CTSD: variants seen among roughly 807,000 people sequenced by gnomAD.
The protein encoded by CTSD is cathepsin D.
Under a neutral mutation model 43.6 loss-of-function variants are expected in CTSD, and 28 were observed. The ratio of observed to expected loss-of-function variants is 0.64; its 90% CI spans 0.48 to 0.88. The LOEUF (loss-of-function observed/expected upper bound fraction) is 0.88, where lower values mean the gene tolerates loss of function less well. Ranked by LOEUF, CTSD falls within the 40% of genes least tolerant of loss-of-function variation. The pLI is 0.00. For synonymous variants in CTSD, 270 were observed against 249.8 expected, an observed-to-expected ratio of 1.08 and a Z score of -0.76; for missense variants, 485 against 555.2, an observed-to-expected ratio of 0.87 and a Z score of 1.27.
chr11:1,753,720 C>G, intron 8 of CTSD, 50 bp from the exon 9 acceptor site: 1 of 1,609,696 alleles, frequency 6.2e-7, no homozygotes. Flanking sequence ...ACCCGCCCCC[C>G]CACCTGTTGC....
rs142664230 is a variant in CTSD, at chr11:1,760,929, G to A, written c.228+380C>T. 13 of 325,096 alleles carry A rather than the reference G, an allele frequency of 4.0e-5. No homozygotes were observed. The East Asian group carries it at 9.5e-4, about 24-fold the overall frequency. 20.1% of individuals were successfully genotyped at this position (325,096 alleles called of 1,614,324 possible). On this transcript the variant is annotated intron_variant, in intron 2 of 8. Transcript: ENST00000236671. ...ACAGGAGGGGCTGTTGCGAGAGGAA[G>A]AAGATGGGGAGGGGCTGGGGAGGCC...
rs1845849397 is a variant in CTSD at position 1,759,550 on chromosome 11, G to A, written c.318C>T (p.Pro106=). ...FDTGSSNLWV[P]SIHCKLLDIA... is the part of the protein sequence containing the mutation. ...TGTCCAGCAGTTTGCAGTGGATGGA[G>A]GGGACCCACAGGTTGGAGGAGCCCG... Residue 106 remains proline (P), a synonymous_variant, in exon 3 of 9, where the codon CCC becomes CCT. Transcript: ENST00000236671. The A allele has an allele frequency of 1.2e-6, 2 of 1,613,486 alleles. No individual in the cohort carries two copies. Among genetic ancestry groups the A allele is most frequent in the Admixed American group, 1.7e-5 (1 of 60,010 alleles).
rs1029534680 is a variant in CTSD at position 1,761,461 on chromosome 11, G to A, written c.76C>T (p.Leu26=). The part of the protein sequence containing the change: ...APASALVRIP[L]HKFTSIRRTM... ...CGGCGGATGGACGTGAACTTGTGCA[G>A]CGGGATCCTGTCAACCACGGGTCGG... Residue 26 remains leucine, a synonymous_variant, in exon 2 of 9, where the codon CTG becomes TTG. Transcript: ENST00000236671. 1.9e-6 allele frequency: 3 copies of A among 1,613,738 alleles called. No homozygotes were observed. The highest frequency in any genetic ancestry group is 1.7e-5 in the Admixed American group (1 of 60,012).
chr11:1,760,976 A>G (rs1273324676), intron 2 of CTSD: 5 of 391,958 alleles, frequency 1.3e-5, no homozygotes, highest in Non-Finnish European at 2.0e-5. Context: ...CAGGCCTCCC[A>G]GCAGGACAGC....
intron 8 of CTSD, 51 bp from the exon 9 acceptor site, chr11:1,753,721 C>T (rs781262160): frequency 1.3e-4 from 205 of 1,609,724 alleles, no homozygotes; most frequent in Admixed American, 6.9e-4. Flanking sequence ...CCCGCCCCCC[C>T]ACCTGTTGCC....
rs1238370729 is a variant in CTSD at position 1,763,916 on chromosome 11, GA to G, written c.-58del. 3 of 1,454,678 alleles carry G rather than the reference GA, an allele frequency of 2.1e-6. No homozygotes were observed. In the Admixed American group the frequency reaches 6.3e-5, roughly 30 times the overall value. The allele number at this position is 1,454,678 out of a possible 1,614,324, so 90.1% of individuals were successfully genotyped here. A position where few individuals can be genotyped will look rare whatever the true frequency, so the allele number is the denominator to read the frequency against. ...GAGGCCGTGCGCTTATAGCCGGGAT[GA>G]CGCCGCAGTTGGGCCGGATCAGCTG... On this transcript the variant is annotated 5_prime_UTR_variant, in exon 1 of 9. Coordinates refer to ENST00000236671, the MANE Select transcript of CTSD (RefSeq NM_001909.5).
Position 1,759,101 on chromosome 11 carries a change from C to A in CTSD, c.353-14G>T. ...TGTGGTGGATCCCTGCCCCGGGCGA[C>A]AAGGGGGCCCGCCGGTCATCCCGCA... On this transcript the variant is annotated splice_polypyrimidine_tract_variant and intron_variant, in intron 3 of 8. Coordinates refer to ENST00000236671, the MANE Select transcript of CTSD (RefSeq NM_001909.5). 2 of 1,586,534 alleles carry A rather than the reference C, an allele frequency of 1.3e-6. No homozygotes were observed. Among genetic ancestry groups the A allele is most frequent in the Non-Finnish European group, 1.7e-6 (2 of 1,155,018 alleles).
In CTSD at chr11:1,753,660, G is replaced by A; in HGVS notation, c.1082C>T (p.Ala361Val). The A allele has an allele frequency of 6.2e-7, 1 of 1,612,836 alleles. No individual in the cohort carries two copies. Among genetic ancestry groups the A allele is most frequent in the Non-Finnish European group, 8.5e-7 (1 of 1,179,842 alleles). The stretch of plus-strand genomic sequence containing the variant: ...GCCGCTCAGGCAGAGGGTCTTCCCG[G>A]CCTGCGACACCTGGGACGGCCCTGG... ...PEDYTLKVSQ[A>V]GKTLCLSGFM... The change falls in exon 9 of 9, where the codon GCC becomes GTC. Residue 361 changes from alanine to valine, a missense_variant. Physicochemically the swap from Ala to Val is moderately conservative, Grantham distance 64 (BLOSUM62 0). Transcript: ENST00000236671.
chr11:1,757,181 C>T (rs1174700142), intron 5 of CTSD, 143 bp downstream of exon 5: 15 of 750,114 alleles, frequency 2.0e-5, no homozygotes, highest in African/African-American at 3.5e-5. Flanking sequence ...CCCCGCCTCC[C>T]GGATGCCCTG....
chr11:1,754,892 C>A lies in CTSD; in HGVS notation c.827+14G>T. The A allele has an allele frequency of 6.2e-7, 1 of 1,613,594 alleles. No homozygotes were observed. ...CCACAGAACCCAGGGGAGCCGACTG[C>A]AGCCACTACTCACTGGTCCAGGTGG... On this transcript the variant is annotated intron_variant, in intron 6 of 8. Transcript: ENST00000236671.
intron 4 of CTSD, among the ~76,000 whole-genome samples, chr11:1,758,272 G>A (rs1045308519): frequency 6.6e-6 from 1 of 152,130 alleles, no homozygotes; most frequent in African/African-American, 2.4e-5. Context: ...TGGGCCTGCA[G>A]GGGGGCTCTG....
intron 3 of CTSD, 77 bp from the exon 4 acceptor site, chr11:1,759,164 A>C: frequency 3.4e-6 from 4 of 1,165,126 alleles, no homozygotes; most frequent in Non-Finnish European, 5.2e-6. Context: ...TCCCCCTACA[A>C]TCTACCATGG....
intron 4 of CTSD, among the ~76,000 whole-genome samples, chr11:1,758,209 G>A (rs1390713735): frequency 1.3e-5 from 2 of 152,262 alleles, no homozygotes; most frequent in African/African-American, 2.4e-5. Context: ...AGCCCAGCAG[G>A]GAACTGTTAG....
At chr11:1,757,725 G>A (rs1173216448) in intron 4 of CTSD, among the ~76,000 whole-genome samples, 169 bp from the exon 5 acceptor site, 1 of 152,226 alleles carries the variant, frequency 6.6e-6, no homozygotes, top group East Asian at 1.9e-4. Flanking sequence ...CGCTGGGGAT[G>A]GGGACACGGG....
chr11:1,763,668 T>G, intron 1 of CTSD, 124 bp downstream of exon 1: 1 of 965,336 alleles, frequency 1.0e-6, no homozygotes, highest in Non-Finnish European at 1.5e-6. Flanking sequence ...CACAGGTGCA[T>G]TCCAGCGCGG....
At chr11:1,754,756 T>G in intron 6 of CTSD, 150 bp downstream of exon 6, 1 of 966,866 alleles carries the variant, frequency 1.0e-6, no homozygotes, top group Non-Finnish European at 1.6e-6. Flanking sequence ...AGGAGGGGCA[T>G]GGAGGGCTGG....
intron 5 of CTSD, among the ~76,000 whole-genome samples, chr11:1,756,136 C>T (rs1227671971): frequency 1.3e-5 from 2 of 151,386 alleles, no homozygotes; most frequent in Non-Finnish European, 1.5e-5. Flanking sequence ...CATGGGCACT[C>T]ATGCTGTGTG....
chr11:1,753,214 G>A lies in CTSD; in HGVS notation c.*289C>T. The A allele has an allele frequency of 4.1e-6, 2 of 490,680 alleles. No homozygotes were observed. Among genetic ancestry groups the A allele is most frequent in the Non-Finnish European group, 3.7e-6 (1 of 267,182 alleles). 30.4% of individuals were successfully genotyped at this position (490,680 alleles called of 1,614,324 possible). On this transcript the variant is annotated 3_prime_UTR_variant, in exon 9 of 9. Transcript: ENST00000236671. ...AGCCCCAGGATACACGAGCTCGGCT[G>A]CCAAGCTTGGGTGGGGTCTTCCAAT...
intron 2 of CTSD, chr11:1,760,797 G>A (rs1225176489): frequency 1.5e-5 from 3 of 197,294 alleles, no homozygotes; most frequent in South Asian, 1.5e-4. Context: ...CCCTGGCCTC[G>A]AACTGACCCC....
Sources: gnomAD v4.1 joint callset for allele counts (sites outside exome capture counted in the v4.1 genomes callset) on GRCh38, gnomAD v4.1.1 for gene constraint, MANE v1.5 for transcripts, NCBI Gene and HGNC (gene_info 2026-07-23, HGNC 2026-07-21) for gene names.